The following MYCBP2 variants were observed in gnomAD, a reference collection of about 807,000 sequenced individuals.
MYCBP2 encodes the protein MYC binding protein 2.
In MYCBP2, 120 loss-of-function variants were observed where a neutral mutation model predicts 525.3. The ratio of observed to expected loss-of-function variants is 0.23; its 90% CI spans 0.20 to 0.27. The LOEUF is 0.27. Among genes scored for constraint, MYCBP2 ranks in the 10% least tolerant of loss-of-function variants. The pLI is 1.00. For synonymous variants in MYCBP2, 1,894 were observed against 1,955.8 expected, an observed-to-expected ratio of 0.97 and a Z score of 0.83; for missense variants, 4,149 against 5,657.1, an observed-to-expected ratio of 0.73 and a Z score of 8.55.
intron 24 of MYCBP2, 50 bp downstream of exon 24, chr13:77,206,603 G>C (rs1025699252): frequency 1.4e-6 from 2 of 1,462,784 alleles, no homozygotes; most frequent in African/African-American, 2.8e-5. Flanking sequence ...AAAAAACCCT[G>C]GACAGCACAC....
At chr13:77,125,534 GT>G in intron 53 of MYCBP2, 66 bp from the exon 54 acceptor site, 2 of 1,573,632 alleles carry the variant, frequency 1.3e-6, no homozygotes, top group Non-Finnish European at 1.7e-6. Context: ...CTGAAAACCA[GT>G]AAAAATCTTA....
chr13:77,221,780 C>T (rs1594061258), intron 20 of MYCBP2, among the ~76,000 whole-genome samples: 1 of 152,160 alleles, frequency 6.6e-6, no homozygotes, highest in African/African-American at 2.4e-5. Flanking sequence ...TTGCCACGTT[C>T]TTCCCCACAC....
At chr13:77,239,619 C>A (rs2154311354) in intron 17 of MYCBP2, among the ~76,000 whole-genome samples, 1 of 152,314 alleles carries the variant, frequency 6.6e-6, no homozygotes, top group Middle Eastern at 3.4e-3. Context: ...CCATCAGAAT[C>A]ACCTGGAACG....
At chr13:77,230,713 C>T (rs976290109) in intron 18 of MYCBP2, among the ~76,000 whole-genome samples, 7 of 152,228 alleles carry the variant, frequency 4.6e-5, no homozygotes, top group African/African-American at 1.7e-4. Flanking sequence ...CAGCCACCCA[C>T]GTAGACAAAC....
At chr13:77,199,146 G>C (rs2062116375) in intron 26 of MYCBP2, among the ~76,000 whole-genome samples, 2 of 152,234 alleles carry the variant, frequency 1.3e-5, no homozygotes, top group South Asian at 4.1e-4. Context: ...CATCTCACTA[G>C]GGAGTGCCAG....
At chr13:77,254,218 A>G (rs2071746794) in intron 14 of MYCBP2, among the ~76,000 whole-genome samples, 1 of 151,950 alleles carries the variant, frequency 6.6e-6, no homozygotes, top group Admixed American at 6.6e-5. Flanking sequence ...ATGCAATATT[A>G]TTTTACACAT....
chr13:77,180,873 T>C (rs774825957), intron 33 of MYCBP2, among the ~76,000 whole-genome samples: 16 of 152,370 alleles, frequency 1.1e-4, no homozygotes, highest in Non-Finnish European at 1.9e-4. Flanking sequence ...TAAACTGCGA[T>C]GGCACAACTG....
intron 26 of MYCBP2, among the ~76,000 whole-genome samples, chr13:77,198,997 T>A (rs1454683507): frequency 6.6e-6 from 1 of 152,252 alleles, no homozygotes; most frequent in East Asian, 1.9e-4. Context: ...TTGATTTTTT[T>A]AATGAGTTAT....
At chr13:77,261,665 T>C (rs1398608405) in intron 11 of MYCBP2, among the ~76,000 whole-genome samples, 1 of 151,910 alleles carries the variant, frequency 6.6e-6, no homozygotes, top group Non-Finnish European at 1.5e-5. Flanking sequence ...ACATCAAAGA[T>C]AACAGATCAC....
intron 72 of MYCBP2, among the ~76,000 whole-genome samples, chr13:77,065,790 G>C (rs576534108): frequency 6.6e-6 from 1 of 152,084 alleles, no homozygotes; most frequent in African/African-American, 2.4e-5. Flanking sequence ...AAATTAACTG[G>C]AAAATTTGAA....
At chr13:77,109,510 T>C (rs887654572) in intron 55 of MYCBP2, 1 of 152,218 alleles carries the variant, frequency 6.6e-6, no homozygotes, top group Non-Finnish European at 1.5e-5. Flanking sequence ...CACTGAGAAA[T>C]ACAGACAATC....
At chr13:77,108,549 C>T (rs1370254579) in intron 55 of MYCBP2, among the ~76,000 whole-genome samples, 1 of 152,140 alleles carries the variant, frequency 6.6e-6, no homozygotes, top group Non-Finnish European at 1.5e-5. Flanking sequence ...AATTATACAT[C>T]AGAGAAATCA....
chr13:77,091,429 CAA>C (rs770244232), intron 59 of MYCBP2, among the ~76,000 whole-genome samples: 9 of 129,028 alleles, frequency 7.0e-5, no homozygotes, highest in African/African-American at 1.1e-4. Context: ...GACTTTTTAC[CAA>C]AAAAAAAAAA....
chr13:77,214,363 A>G (rs1429506852), intron 21 of MYCBP2, among the ~76,000 whole-genome samples: 1 of 152,224 alleles, frequency 6.6e-6, no homozygotes, highest in Admixed American at 6.5e-5. Context: ...ACCATTACAA[A>G]GTATTGGAAA....
chr13:77,126,329 C>A lies in MYCBP2; in HGVS notation c.7873G>T (p.Ala2625Ser). 6.2e-7 allele frequency: 1 copy of A among 1,613,586 alleles called. No homozygotes were observed. Among genetic ancestry groups the A allele is most frequent in the Non-Finnish European group, 8.5e-7 (1 of 1,179,648 alleles). Residue 2625 changes from alanine to serine, a missense_variant, in exon 53 of 83, where the codon GCA (alanine) becomes TCA (serine). Coordinates refer to ENST00000544440, the MANE Select transcript of MYCBP2 (RefSeq NM_015057.5). ...GMLVLGNKVK[A>S]VGEVTNSEGT... ...ACAAGAATCCATACCTCTCCCACTGCTTTGACTTTGTTTCCCAGAACTAAC... is the reference window on the plus strand; with the variant it reads ...ACAAGAATCCATACCTCTCCCACTGATTTGACTTTGTTTCCCAGAACTAAC...
At chr13:77,123,681 G>A (rs1284988974) in intron 54 of MYCBP2, among the ~76,000 whole-genome samples, 1 of 152,252 alleles carries the variant, frequency 6.6e-6, no homozygotes, top group East Asian at 1.9e-4. Flanking sequence ...TCAGTACCCT[G>A]GCAGTCCTGC....
chr13:77,125,370 G>A lies in MYCBP2; in HGVS notation c.7983C>T (p.Asp2661=). Reference sequence around the variant, plus strand: ...GTCGGAGGTACTGGTTTCCGCCTCTGTCTCTAGCTAAGGACCATGCCTCTC... The same window carrying A: ...GTCGGAGGTACTGGTTTCCGCCTCTATCTCTAGCTAAGGACCATGCCTCTC... ...DEGEAWSLAR[D]RGGNQYLRHE... Residue 2661 remains aspartate (D), a synonymous_variant, in exon 54 of 83, where the codon GAC becomes GAT. Coordinates refer to ENST00000544440, the MANE Select transcript of MYCBP2 (RefSeq NM_015057.5). The A allele has an allele frequency of 6.2e-7, 1 of 1,613,982 alleles. No individual in the cohort carries two copies. The highest frequency in any genetic ancestry group is 8.5e-7 in the Non-Finnish European group (1 of 1,179,868).
At chr13:77,299,685 A>G (rs2078563286) in intron 1 of MYCBP2, among the ~76,000 whole-genome samples, 1 of 152,178 alleles carries the variant, frequency 6.6e-6, no homozygotes, top group African/African-American at 2.4e-5. Flanking sequence ...ACACATTAAC[A>G]ATTTAACTTG....
chr13:77,176,767 G>T, intron 35 of MYCBP2, 139 bp from the exon 36 acceptor site: 1 of 612,876 alleles, frequency 1.6e-6, no homozygotes, highest in Non-Finnish European at 2.3e-6. Flanking sequence ...CCATACATAT[G>T]AAAGAAAAAG....
Sources: allele counts gnomAD v4.1 joint callset (sites outside exome capture counted in the v4.1 genomes callset), GRCh38; gene constraint gnomAD v4.1.1; transcripts MANE v1.5; gene names NCBI Gene and HGNC (gene_info 2026-07-23, HGNC 2026-07-21).